WWOX: variants seen among roughly 807,000 people sequenced by gnomAD.
WWOX encodes the protein WW domain-containing oxidoreductase.
A neutral mutation model predicts 46.2 loss-of-function variants in WWOX; 69 were observed. The ratio of observed to expected loss-of-function variants is 1.49; its 90% CI spans 1.23 to 1.82. The LOEUF (loss-of-function observed/expected upper bound fraction) is 1.82. Among genes scored for constraint, WWOX ranks in the 40% most tolerant of loss-of-function variants. The pLI is 0.00. For missense variants in WWOX, 919 were observed against 542.6 expected (o/e 1.69, Z -6.89); for synonymous variants, 359 against 202.6 (o/e 1.77, Z -6.56).
intron 8 of WWOX, among the ~76,000 whole-genome samples, chr16:79,056,757 T>A (rs2048270255): frequency 6.6e-6 from 1 of 152,224 alleles, no homozygotes; most frequent in African/African-American, 2.4e-5. Context: ...AAGAAGTTTT[T>A]CTTGCTAAGT....
chr16:79,116,130 C>G (rs1356989373), intron 8 of WWOX, among the ~76,000 whole-genome samples: 1 of 152,166 alleles, frequency 6.6e-6, no homozygotes, highest in East Asian at 1.9e-4. Context: ...TCATCTGAGC[C>G]TTCAGCAAGT....
In WWOX at chr16:78,662,454, T is replaced by C. The variant is rs79468729; in HGVS notation, c.1056+229702T>C. Among the ~76,000 whole-genome samples the C allele has an allele frequency of 1.7e-3, 263 of 152,180 alleles. 5 individuals carry two copies. In the East Asian group the frequency reaches 0.041, roughly 23 times the overall value. On this transcript the variant is annotated intron_variant, in intron 8 of 8. Coordinates refer to ENST00000566780, the MANE Select transcript of WWOX (RefSeq NM_016373.4). Reference sequence around the variant, plus strand: ...GTGGAGAAAACAGTATTGGAAATTATTACTCAGTTCAAGAAAACCTCACTG... The same window carrying C: ...GTGGAGAAAACAGTATTGGAAATTACTACTCAGTTCAAGAAAACCTCACTG...
At chr16:78,630,768 G>T (rs550939077) in intron 8 of WWOX, among the ~76,000 whole-genome samples, 1 of 152,268 alleles carries the variant, frequency 6.6e-6, no homozygotes, top group South Asian at 2.1e-4. Flanking sequence ...CTGGGTTGGC[G>T]TTTCAGTGCC....
intron 8 of WWOX, chr16:78,552,208 C>A (rs1428808550): frequency 6.6e-6 from 1 of 152,164 alleles, no homozygotes; most frequent in East Asian, 1.9e-4. Context: ...CCCATTTCCC[C>A]TCAAAAGATG....
chr16:78,989,490 C>A (rs1205629754), intron 8 of WWOX, among the ~76,000 whole-genome samples: 1 of 152,160 alleles, frequency 6.6e-6, no homozygotes, highest in Non-Finnish European at 1.5e-5. Context: ...CCATAGCGCC[C>A]ATGGCTCCAC....
At chr16:78,217,012 C>T (rs1457188794) in intron 5 of WWOX, among the ~76,000 whole-genome samples, 1 of 152,164 alleles carries the variant, frequency 6.6e-6, no homozygotes, top group East Asian at 1.9e-4. Flanking sequence ...TGTGAGCCAC[C>T]ACACCCAGCC....
chr16:78,779,054 G>T (rs1046239579), intron 8 of WWOX, among the ~76,000 whole-genome samples: 7 of 152,142 alleles, frequency 4.6e-5, no homozygotes, highest in African/African-American at 9.7e-5. Flanking sequence ...GAATGTTATA[G>T]CCGGAAGGGA....
intron 8 of WWOX, among the ~76,000 whole-genome samples, chr16:78,839,134 A>C (rs527761974): frequency 6.6e-6 from 1 of 152,168 alleles, no homozygotes; most frequent in Non-Finnish European, 1.5e-5. Context: ...CAAAAATAAA[A>C]ACTTTCATTA....
At chr16:78,309,742 A>G (rs1435733636) in intron 5 of WWOX, among the ~76,000 whole-genome samples, 1 of 152,180 alleles carries the variant, frequency 6.6e-6, no homozygotes, top group Admixed American at 6.5e-5. Flanking sequence ...ATTAAACTGG[A>G]ATGCTGTTAA....
At chr16:78,467,378 A>G (rs1567590189) in intron 8 of WWOX, among the ~76,000 whole-genome samples, 1 of 152,192 alleles carries the variant, frequency 6.6e-6, no homozygotes, top group Non-Finnish European at 1.5e-5. Flanking sequence ...TGATCAATTC[A>G]AGCTTACTAT....
At chr16:79,119,190 T>TA (rs10545268) in intron 8 of WWOX, among the ~76,000 whole-genome samples, 13,378 of 148,160 alleles carry the variant, frequency 0.09, 852 homozygotes, top group Non-Finnish European at 0.12. Flanking sequence ...GAGTGCTCAT[T>TA]AAAAAAAAAA....
chr16:79,157,695 T>A (rs1207525898), intron 8 of WWOX, among the ~76,000 whole-genome samples: 4 of 152,164 alleles, frequency 2.6e-5, no homozygotes, highest in Non-Finnish European at 5.9e-5. Context: ...GTGAGAGTTG[T>A]GATGATTGTG....
In WWOX at chr16:79,211,945, T is replaced by TAA. The variant is rs1567625778; in HGVS notation, c.*150_*151dup. Reference sequence around the variant, plus strand: ...GCAGTCACAACAGAGTGAAAAATCTTAAGTACCAATGGGAAGCAGGGAATT... The same window carrying TAA: ...GCAGTCACAACAGAGTGAAAAATCTTAAAAGTACCAATGGGAAGCAGGGAATT... On this transcript the variant is annotated 3_prime_UTR_variant, in exon 9 of 9. Coordinates refer to ENST00000566780, the MANE Select transcript of WWOX (RefSeq NM_016373.4). 1 of 1,537,080 alleles carries TAA rather than the reference T, an allele frequency of 6.5e-7. No individual in the cohort carries two copies. Among genetic ancestry groups the TAA allele is most frequent in the Admixed American group, 2.0e-5 (1 of 51,014 alleles).
chr16:78,493,792 A>G (rs1358154855), intron 8 of WWOX, among the ~76,000 whole-genome samples: 1 of 152,214 alleles, frequency 6.6e-6, no homozygotes, highest in Non-Finnish European at 1.5e-5. Context: ...AAGAGCATAG[A>G]GGTGGAATTG....
At chr16:78,608,044 G>A (rs1162985031) in intron 8 of WWOX, among the ~76,000 whole-genome samples, 1 of 152,166 alleles carries the variant, frequency 6.6e-6, no homozygotes, top group Non-Finnish European at 1.5e-5. Context: ...TATATCATTA[G>A]ATTTCAGTGA....
chr16:79,199,426 G>C (rs749565545), intron 8 of WWOX, among the ~76,000 whole-genome samples: 3 of 152,152 alleles, frequency 2.0e-5, no homozygotes, highest in Non-Finnish European at 4.4e-5. Context: ...TCATGCGTAA[G>C]GTGGACCCTC....
intron 8 of WWOX, among the ~76,000 whole-genome samples, chr16:78,934,515 A>AG: frequency 6.7e-6 from 1 of 149,548 alleles, no homozygotes; most frequent in Non-Finnish European, 1.5e-5. Context: ...TATCAAAAAA[A>AG]AAAAAAAAAA....
chr16:78,590,753 G>T (rs1003546749), intron 8 of WWOX, among the ~76,000 whole-genome samples: 1 of 152,176 alleles, frequency 6.6e-6, no homozygotes, highest in Non-Finnish European at 1.5e-5. Context: ...GATGGGATCA[G>T]TGCCAGGTCT....
chr16:79,095,113 G>C (rs9933420), intron 8 of WWOX, among the ~76,000 whole-genome samples: 24,186 of 152,054 alleles, frequency 0.16, 2,338 homozygotes, highest in African/African-American at 0.27. Flanking sequence ...TGCAAAGGAG[G>C]CTTCTCTAAA....
Sources: allele counts gnomAD v4.1 joint callset (sites outside exome capture counted in the v4.1 genomes callset), GRCh38; gene constraint gnomAD v4.1.1; transcripts MANE v1.5; gene names NCBI Gene and HGNC (gene_info 2026-07-23, HGNC 2026-07-21).